PGAP4: variants seen among roughly 807,000 people sequenced by gnomAD.
PGAP4 encodes post-GPI attachment to proteins GalNAc transferase 4.
In PGAP4, 12 loss-of-function variants were observed where a neutral mutation model predicts 28.2. That is an observed-to-expected ratio of 0.42 (90% CI 0.27 to 0.69). PGAP4 has a LOEUF of 0.69. Among genes scored for constraint, PGAP4 ranks in the 30% least tolerant of loss-of-function variants. PGAP4 has a pLI of 0.22. For missense variants in PGAP4, 425 were observed against 513.5 expected, an observed-to-expected ratio of 0.83 and a Z score of 1.67; for synonymous variants, 205 against 211.8, an observed-to-expected ratio of 0.97 and a Z score of 0.28.
chr9:101,493,751 T>C (rs556832195), intron 2 of PGAP4, among the ~76,000 whole-genome samples: 6 of 152,156 alleles, frequency 3.9e-5, no homozygotes, highest in Non-Finnish European at 8.8e-5. Flanking sequence ...ACGTTAGCAG[T>C]TTGGTGAACT....
chr9:101,506,162 A>C (rs1405712487), intron 2 of PGAP4, among the ~76,000 whole-genome samples: 1 of 152,090 alleles, frequency 6.6e-6, no homozygotes, highest in African/African-American at 2.4e-5. Flanking sequence ...AGTAGGTGAC[A>C]TGACACCAGG....
chr9:101,487,922 T>C (rs774827074), upstream of PGAP4, among the ~76,000 whole-genome samples: 8 of 152,202 alleles, frequency 5.3e-5, no homozygotes, highest in Non-Finnish European at 1.2e-4. Context: ...TGGATAGTTG[T>C]GACAGAGACC....
Position 101,498,150 on chromosome 9 carries a change from T to G in PGAP4, c.-164-8950A>C, listed in dbSNP as rs1281650313. Among the ~76,000 whole-genome samples, 3 of 151,874 alleles carry G rather than the reference T, an allele frequency of 2.0e-5. No homozygotes were observed. In the Admixed American group the frequency reaches 2.0e-4, roughly 10 times the overall value. Reference sequence around the variant, plus strand: ...CTTTTTGCCCAGTTTTAGATGAGTTTAGATTTAAACTTTTAATGTTTGCAT... The same window carrying G: ...CTTTTTGCCCAGTTTTAGATGAGTTGAGATTTAAACTTTTAATGTTTGCAT... On this transcript the variant is annotated intron_variant, in intron 2 of 3. Coordinates refer to the PGAP4 transcript ENST00000374851.
In PGAP4 at chr9:101,494,125, T is replaced by A. The variant is rs73501274; in HGVS notation, c.-164-4925A>T. Among the ~76,000 whole-genome samples the A allele has an allele frequency of 9.6e-3, 1,463 of 152,120 alleles. 19 individuals carry two copies. Among genetic ancestry groups the A allele is most frequent in the African/African-American group, 0.033 (1,392 of 41,554 alleles). On this transcript the variant is annotated intron_variant, in intron 2 of 3. Coordinates refer to the PGAP4 transcript ENST00000374851. ...TTAAGTTCTTGAGCCTGACAGGAAGTGACAATTTTTATTTACTCATTTTAA... is the reference window on the plus strand; with the variant it reads ...TTAAGTTCTTGAGCCTGACAGGAAGAGACAATTTTTATTTACTCATTTTAA...
rs987582214 is a variant in PGAP4 at position 101,474,283 on chromosome 9, G to C, written c.*1598C>G. On this transcript the variant is annotated 3_prime_UTR_variant, in exon 2 of 2. Coordinates refer to ENST00000374848, the MANE Select transcript of PGAP4 (RefSeq NM_032342.3). ...CCTTTATGTAATCCTTCTGTGTTGA[G>C]TGGGTCTCAAGATGGAAGCTCACTA... is the stretch of plus-strand genomic sequence containing the variant. The C allele has an allele frequency of 6.6e-6, 1 of 152,186 alleles. No individual in the cohort carries two copies. Among genetic ancestry groups the C allele is most frequent in the Non-Finnish European group, 1.5e-5 (1 of 68,042 alleles). The allele number at this position is 152,186 out of a possible 1,614,324, so 9.4% of individuals were successfully genotyped here.
rs1422770335 is a variant in PGAP4 at position 101,495,457 on chromosome 9, A to ATATTTTATATATAATATATATTATATATG, written c.-164-6258_-164-6257insCATATATAATATATATTATATATAAAATA. Reference sequence around the variant, plus strand: ...TTTATATATAATATATATTATATATACTTATATTTTATATATAATATATAT... The same window carrying ATATTTTATATATAATATATATTATATATG: ...TTTATATATAATATATATTATATATATATTTTATATATAATATATATTATATATGCTTATATTTTATATATAATATATAT... On this transcript the variant is annotated intron_variant, in intron 2 of 3. Transcript: ENST00000374851. Among the ~76,000 whole-genome samples, 130 of 36,736 alleles carry ATATTTTATATATAATATATATTATATATG rather than the reference A, an allele frequency of 3.5e-3. 31 individuals are homozygous for ATATTTTATATATAATATATATTATATATG. The highest frequency in any genetic ancestry group is 5.4e-3 in the Non-Finnish European group (86 of 15,984). The allele number at this position is 36,736 out of a possible 152,430, so 24.1% of individuals were successfully genotyped here. A position where few individuals can be genotyped will look rare whatever the true frequency, so the allele number is the denominator to read the frequency against.
intron 1 of PGAP4, among the ~76,000 whole-genome samples, chr9:101,480,287 C>G (rs1826445451): frequency 6.6e-6 from 1 of 152,206 alleles, no homozygotes; most frequent in Non-Finnish European, 1.5e-5. Flanking sequence ...TTGTCCTTTA[C>G]AGGTCAATTG....
In PGAP4 at chr9:101,476,189, T is replaced by C; in HGVS notation, c.904A>G (p.Met302Val). Residue 302 changes from methionine (M) to valine (V), a missense_variant, in exon 2 of 2, where the codon ATG becomes GTG. Transcript: ENST00000374848. The surrounding 1 kb of genome is among the most constrained non-coding windows in gnomAD (Gnocchi z 7.0). ...CGACCCACCAGCTCCACCAGACCCA[T>C]GCTATACAGGGAGAAGAAGAGCATT... ...PVMLFFSLYS[M>V]GLVELVGRHY... 1.9e-6 allele frequency: 3 copies of C among 1,614,022 alleles called. No homozygotes were observed. Among genetic ancestry groups the C allele is most frequent in the Non-Finnish European group, 2.5e-6 (3 of 1,180,004 alleles).
At chr9:101,499,127 GA>G (rs1173781500) in intron 2 of PGAP4, among the ~76,000 whole-genome samples, 2 of 151,612 alleles carry the variant, frequency 1.3e-5, no homozygotes, top group African/African-American at 4.8e-5. Flanking sequence ...GAAAAGACTG[GA>G]AAAAAAAGTA....
At chr9:101,515,801 T>C (rs1588209343) in intron 2 of PGAP4, among the ~76,000 whole-genome samples, 1 of 152,190 alleles carries the variant, frequency 6.6e-6, no homozygotes, top group Admixed American at 6.5e-5. Context: ...TATTTTCATA[T>C]CTTTGAATTG....
intron 2 of PGAP4, among the ~76,000 whole-genome samples, chr9:101,515,732 TA>T (rs1826938842): frequency 6.6e-6 from 1 of 152,190 alleles, no homozygotes; most frequent in Non-Finnish European, 1.5e-5. Flanking sequence ...TATTATGATT[TA>T]AATCTTAGAA....
At chr9:101,514,258 A>T (rs1444831478) in intron 2 of PGAP4, among the ~76,000 whole-genome samples, 1 of 152,152 alleles carries the variant, frequency 6.6e-6, no homozygotes, top group African/African-American at 2.4e-5. Context: ...TGCTGCAATG[A>T]TTGGAATCTA....
chr9:101,523,619 CTTTTTTTTTTTTTTTTTTTTT>C (rs71356369), intron 2 of PGAP4, among the ~76,000 whole-genome samples: 6 of 59,346 alleles, frequency 1.0e-4, no homozygotes, highest in African/African-American at 2.8e-4. Flanking sequence ...CTTCTTGTAT[CTTTTTTTTTTTTTTTTTTTTT>C]TTTTTTTTTT....
At chr9:101,527,926 C>T (rs967780404) in intron 2 of PGAP4, among the ~76,000 whole-genome samples, 7 of 152,264 alleles carry the variant, frequency 4.6e-5, no homozygotes, top group East Asian at 3.9e-4. Flanking sequence ...TTGGGAAAGA[C>T]GCTCAATCTC....
At chr9:101,512,927 C>T (rs1437763003) in intron 2 of PGAP4, among the ~76,000 whole-genome samples, 1 of 152,112 alleles carries the variant, frequency 6.6e-6, no homozygotes, top group African/African-American at 2.4e-5. Context: ...AATTGACTCA[C>T]CTTTTTAGGA....
At chr9:101,504,641 G>A (rs943947414) in intron 2 of PGAP4, among the ~76,000 whole-genome samples, 2 of 151,938 alleles carry the variant, frequency 1.3e-5, no homozygotes, top group African/African-American at 4.8e-5. Context: ...GCTGTCATAG[G>A]GCATATGATT....
chr9:101,481,028 T>C (rs1271317628), intron 1 of PGAP4, among the ~76,000 whole-genome samples: 2 of 151,952 alleles, frequency 1.3e-5, no homozygotes, highest in East Asian at 3.9e-4. Flanking sequence ...GATACAAAAA[T>C]TAGCCAGGCA....
chr9:101,490,754 C>G (rs572487890), upstream of PGAP4, among the ~76,000 whole-genome samples: 2 of 152,256 alleles, frequency 1.3e-5, no homozygotes, highest in Non-Finnish European at 2.9e-5. Context: ...CTGTGAATTC[C>G]CTGGTGGAAG....
rs112915526 is a variant in PGAP4, at chr9:101,525,720, A to T, written c.-165+5628T>A. 6.2e-4 allele frequency among the ~76,000 whole-genome samples: 92 copies of T among 148,676 alleles called. 1 individual carries two copies. The highest frequency in any genetic ancestry group is 1.1e-3 in the Non-Finnish European group (76 of 67,512). Reference sequence around the variant, plus strand: ...GTCTCAAAAAAAAAAAAAAAAAAAAAAGAGAGAGAGAGAGAGAAAATAAAT... The same window carrying T: ...GTCTCAAAAAAAAAAAAAAAAAAAATAGAGAGAGAGAGAGAGAAAATAAAT... On this transcript the variant is annotated intron_variant, in intron 2 of 3. Coordinates refer to the PGAP4 transcript ENST00000374851.
Sources: allele counts gnomAD v4.1 joint callset (sites outside exome capture counted in the v4.1 genomes callset), GRCh38; gene constraint gnomAD v4.1.1; non-coding constraint Gnocchi (gnomAD v3.1); transcripts MANE v1.5; gene names NCBI Gene and HGNC (gene_info 2026-07-23, HGNC 2026-07-21).